Variants in RAB3GAP1 observed in about 807,000 individuals in gnomAD.
RAB3GAP1 encodes the protein rab3 GTPase-activating protein catalytic subunit.
In RAB3GAP1, 86 loss-of-function variants were observed where a neutral mutation model predicts 130.7. The ratio of observed to expected loss-of-function variants is 0.66; its 90% confidence interval spans 0.55 to 0.79. The LOEUF is 0.79. Among genes scored for constraint, RAB3GAP1 ranks in the 30% least tolerant of loss-of-function variants. RAB3GAP1 has a pLI of 0.00. For synonymous variants in RAB3GAP1, 367 were observed against 401.7 expected (o/e 0.91, Z 1.03); for missense variants, 1,029 against 1,169.4 (o/e 0.88, Z 1.75).
At chr2:135,126,762 C>A in intron 11 of RAB3GAP1, 106 bp downstream of exon 11, 1 of 967,446 alleles carries the variant, frequency 1.0e-6, no homozygotes, top group Non-Finnish European at 1.7e-6. Context: ...TCAGTTAACA[C>A]CATGTAGGAA....
intron 3 of RAB3GAP1, among the ~76,000 whole-genome samples, chr2:135,084,184 G>T (rs1176615459): frequency 6.6e-6 from 1 of 152,160 alleles, no homozygotes; most frequent in Non-Finnish European, 1.5e-5. Context: ...GGCAGAGGTT[G>T]CAATGAGCCG....
intron 5 of RAB3GAP1, among the ~76,000 whole-genome samples, chr2:135,103,334 G>A (rs1690506988): frequency 1.3e-5 from 2 of 152,036 alleles, no homozygotes; most frequent in African/African-American, 4.8e-5. Flanking sequence ...ACCGTGCCCA[G>A]CCTTATTTTT....
intron 3 of RAB3GAP1, among the ~76,000 whole-genome samples, chr2:135,086,692 G>C (rs71417551): frequency 1.1e-5 from 1 of 94,488 alleles, no homozygotes; most frequent in Non-Finnish European, 1.9e-5. Context: ...TTTTTCCTTA[G>C]AGATAGGGTC....
At chr2:135,133,556 A>G (rs1369968470) in intron 14 of RAB3GAP1, among the ~76,000 whole-genome samples, 7 of 152,168 alleles carry the variant, frequency 4.6e-5, no homozygotes, top group Admixed American at 4.6e-4. Flanking sequence ...TTTTGTAATT[A>G]AAAGATTTTT....
At position 135,170,202 on chromosome 2, in the gene RAB3GAP1, T is replaced by C. The variant is rs1692811483; in HGVS notation, c.*1421T>C. On this transcript the variant is annotated 3_prime_UTR_variant, in exon 24 of 24. Coordinates refer to ENST00000264158, the MANE Select transcript of RAB3GAP1 (RefSeq NM_012233.3). ...ACGGTTCCTAAGGACAGAGTTTGTC[T>C]GTTTTCTAACAAAGAAAAATTCTAC... is the stretch of plus-strand genomic sequence containing the variant. 1 of 151,968 alleles carries C rather than the reference T, an allele frequency of 6.6e-6. No homozygotes were observed. The highest frequency in any genetic ancestry group is 6.6e-5 in the Admixed American group (1 of 15,260). The allele number at this position is 151,968 out of a possible 1,614,324, so 9.4% of individuals were successfully genotyped here.
chr2:135,162,533 G>A, intron 19 of RAB3GAP1, 22 bp from the exon 20 acceptor site: 3 of 1,590,038 alleles, frequency 1.9e-6, no homozygotes, highest in African/African-American at 2.7e-5. Flanking sequence ...CTGATCATTT[G>A]TGTGCGCTGC....
chr2:135,169,207 C>CA lies in RAB3GAP1; in HGVS notation c.*427dup, dbSNP rs1037943750. 4.0e-6 allele frequency: 1 copy of CA among 251,686 alleles called. No individual in the cohort carries two copies. The highest frequency in any genetic ancestry group is 7.8e-6 in the Non-Finnish European group (1 of 127,418). 15.6% of individuals were successfully genotyped at this position (251,686 alleles called of 1,614,324 possible). ...GTGCAAAATAAAGGACCTGTTAACT[C>CA]AGATTTCTGGATATTTTGGTGGTAG... On this transcript the variant is annotated 3_prime_UTR_variant, in exon 24 of 24. Transcript: ENST00000264158.
intron 5 of RAB3GAP1, among the ~76,000 whole-genome samples, chr2:135,100,342 G>A (rs1690416494): frequency 6.6e-6 from 1 of 152,172 alleles, no homozygotes; most frequent in South Asian, 2.1e-4. Flanking sequence ...AGCTCCCAGT[G>A]CCCAGCTGTT....
chr2:135,065,402 T>C (rs1689290639), intron 3 of RAB3GAP1, among the ~76,000 whole-genome samples: 2 of 152,142 alleles, frequency 1.3e-5, no homozygotes, highest in African/African-American at 4.8e-5. Flanking sequence ...ACTAGAACAA[T>C]GGATTGCAGT....
At chr2:135,087,533 A>C (rs1314593452) in intron 3 of RAB3GAP1, among the ~76,000 whole-genome samples, 2 of 152,148 alleles carry the variant, frequency 1.3e-5, no homozygotes, top group African/African-American at 4.8e-5. Context: ...ATGTATCTCT[A>C]TTAGGTCTTT....
At chr2:135,163,745 A>C (rs566931571) in intron 22 of RAB3GAP1, among the ~76,000 whole-genome samples, 1 of 152,370 alleles carries the variant, frequency 6.6e-6, no homozygotes, top group South Asian at 2.1e-4. Context: ...TTCACAAATT[A>C]GCTTGTTCAG....
chr2:135,124,137 A>G, intron 8 of RAB3GAP1, 28 bp from the exon 9 acceptor site: 1 of 1,598,188 alleles, frequency 6.3e-7, no homozygotes, highest in East Asian at 2.2e-5. Context: ...TTTTTCCCAA[A>G]TGATGGAAAA....
chr2:135,141,319 G>A (rs572446153), intron 17 of RAB3GAP1, among the ~76,000 whole-genome samples: 1 of 150,910 alleles, frequency 6.6e-6, no homozygotes, highest in African/African-American at 2.4e-5. Flanking sequence ...GAGTCTTCCG[G>A]GTTCAAGCGA....
At chr2:135,139,401 C>T (rs995096772) in intron 17 of RAB3GAP1, among the ~76,000 whole-genome samples, 5 of 151,700 alleles carry the variant, frequency 3.3e-5, no homozygotes, top group South Asian at 2.1e-4. Context: ...ATTAGCCGAG[C>T]GTGGTGGTGT....
At chr2:135,054,560 A>G (rs1187887689) in intron 2 of RAB3GAP1, among the ~76,000 whole-genome samples, 3 of 152,234 alleles carry the variant, frequency 2.0e-5, no homozygotes, top group Non-Finnish European at 4.4e-5. Flanking sequence ...TTTGCCTGTA[A>G]GAATGAATGT....
intron 5 of RAB3GAP1, among the ~76,000 whole-genome samples, chr2:135,110,089 A>C (rs1690754891): frequency 6.6e-6 from 1 of 152,080 alleles, no homozygotes; most frequent in African/African-American, 2.4e-5. Flanking sequence ...GACATTTTAA[A>C]GATCATAAAG....
In RAB3GAP1 at chr2:135,092,629, G is replaced by A. The variant is rs190740825; in HGVS notation, c.284-986G>A. ...TTTTTTGTATTTTTAGTAGAGACAG[G>A]GTTTTGCTGTGTTGACCAGGCTGGT... On this transcript the variant is annotated intron_variant, in intron 4 of 23. Coordinates refer to ENST00000264158, the MANE Select transcript of RAB3GAP1 (RefSeq NM_012233.3). Among the ~76,000 whole-genome samples the A allele has an allele frequency of 3.7e-4, 57 of 152,184 alleles. No individual in the cohort carries two copies. The East Asian group carries it at 0.011, about 28-fold the overall frequency.
In RAB3GAP1 at chr2:135,107,007, C is replaced by T. The variant is rs1690647541; in HGVS notation, c.363-6144C>T. Among the ~76,000 whole-genome samples the T allele has an allele frequency of 2.0e-5, 3 of 149,226 alleles. No individual in the cohort carries two copies. In the South Asian group the frequency reaches 6.6e-4, roughly 33 times the overall value. On this transcript the variant is annotated intron_variant, in intron 5 of 23. Transcript: ENST00000264158. ...AGGCAGCAAGAGAAAAATGACTTCT[C>T]ATGTACTAGAGAACAATACCCTTGG...
At chr2:135,171,008 G>C (rs1338905500), downstream of RAB3GAP1, among the ~76,000 whole-genome samples, 1 of 152,020 alleles carries the variant, frequency 6.6e-6, no homozygotes, top group African/African-American at 2.4e-5. Flanking sequence ...CTCCCTTCTT[G>C]CCAGGAGCCT....
Sources: allele counts gnomAD v4.1 joint callset (sites outside exome capture counted in the v4.1 genomes callset), GRCh38; gene constraint gnomAD v4.1.1; transcripts MANE v1.5; gene names NCBI Gene and HGNC (gene_info 2026-07-23, HGNC 2026-07-21).